The following BRD10 variants were observed in gnomAD, a reference collection of about 807,000 sequenced individuals.
The protein encoded by BRD10 is uncharacterized bromodomain-containing protein 10.
At chr9:5,953,014 T>G in the BRD10 span, among the ~76,000 whole-genome samples, 1 of 152,186 alleles carries the variant, frequency 6.6e-6, no homozygotes, top group Non-Finnish European at 1.5e-5. Flanking sequence ...ATGTCTATTT[T>G]CTTTAACTGT....
the BRD10 span, chr9:5,891,261 A>G: frequency 6.6e-6 from 1 of 152,178 alleles, no homozygotes; most frequent in Non-Finnish European, 1.5e-5. Context: ...TAAGAGGCGC[A>G]TTTGCTGTTG....
At chr9:5,917,476 C>CGAA in the BRD10 span, among the ~76,000 whole-genome samples, 2 of 152,156 alleles carry the variant, frequency 1.3e-5, no homozygotes. Context: ...GACTTCAGTA[C>CGAA]GAAGGTTCAC....
chr9:5,971,005 T>C, the BRD10 span, among the ~76,000 whole-genome samples: 141 of 136,160 alleles, frequency 1.0e-3, no homozygotes, highest in African/African-American at 3.7e-3. Context: ...TGAGCCGAGA[T>C]TGCACCATTG....
the BRD10 span, among the ~76,000 whole-genome samples, chr9:6,004,175 C>T: frequency 6.6e-6 from 1 of 152,186 alleles, no homozygotes; most frequent in Admixed American, 6.5e-5. Context: ...CACTTGTCAT[C>T]CCCACATTCA....
At chr9:5,947,946 C>T in the BRD10 span, among the ~76,000 whole-genome samples, 7,623 of 152,114 alleles carry the variant, frequency 0.05, 224 homozygotes, top group Middle Eastern at 0.075. Flanking sequence ...GGGGTGAACA[C>T]GAAACTCCAT....
chr9:5,910,143 C>A, the BRD10 span: 1 of 152,300 alleles, frequency 6.6e-6, no homozygotes, highest in South Asian at 2.1e-4. Context: ...TAAAGGCTGT[C>A]TTTGACATAA....
the BRD10 span, among the ~76,000 whole-genome samples, chr9:5,903,478 T>C: frequency 6.6e-6 from 1 of 152,222 alleles, no homozygotes; most frequent in East Asian, 1.9e-4. Context: ...TTTCTTTTCT[T>C]GTAATATCTT....
chr9:5,916,817 G>C, the BRD10 span, among the ~76,000 whole-genome samples: 2 of 152,110 alleles, frequency 1.3e-5, no homozygotes, highest in Non-Finnish European at 2.9e-5. Context: ...TGGCATTGTG[G>C]TGACGTTTCT....
chr9:5,913,035 A>G, the BRD10 span, among the ~76,000 whole-genome samples: 25 of 152,212 alleles, frequency 1.6e-4, no homozygotes, highest in African/African-American at 6.0e-4. Context: ...GACAAGGCTC[A>G]AGTCTCTATG....
chr9:5,999,716 T>A, the BRD10 span, among the ~76,000 whole-genome samples: 1 of 152,200 alleles, frequency 6.6e-6, no homozygotes, highest in Non-Finnish European at 1.5e-5. Flanking sequence ...TAGCTCTTTT[T>A]GCCTTTGCAC....
the BRD10 span, among the ~76,000 whole-genome samples, chr9:5,951,622 A>G: frequency 6.6e-6 from 1 of 152,362 alleles, no homozygotes; most frequent in Non-Finnish European, 1.5e-5. Context: ...TAAATACCAT[A>G]TCGCTAGAAC....
At chr9:5,920,940 C>G in the BRD10 span, 1 of 1,613,978 alleles carries the variant, frequency 6.2e-7, no homozygotes. Flanking sequence ...GAAGAGGTAT[C>G]ATTTCCACTG....
chr9:5,985,880 T>C, the BRD10 span, among the ~76,000 whole-genome samples: 4 of 152,160 alleles, frequency 2.6e-5, no homozygotes, highest in Non-Finnish European at 1.5e-5. Flanking sequence ...GTATCTTCTA[T>C]AACAGAAGTA....
chr9:5,958,328 G>A, the BRD10 span, among the ~76,000 whole-genome samples: 1 of 152,104 alleles, frequency 6.6e-6, no homozygotes, highest in Admixed American at 6.5e-5. Flanking sequence ...TTTTATAAAA[G>A]AAATGGCATA....
At chr9:6,007,706 C>A in the BRD10 span, 1 of 1,607,848 alleles carries the variant, frequency 6.2e-7, no homozygotes, top group Non-Finnish European at 8.5e-7. Flanking sequence ...TCCTCCTCGT[C>A]GTCCTCTCCT....
chr9:5,966,030 G>A, the BRD10 span, among the ~76,000 whole-genome samples: 1 of 152,158 alleles, frequency 6.6e-6, no homozygotes, highest in Non-Finnish European at 1.5e-5. Context: ...TAGGTAAGCA[G>A]ACAAAACTGC....
chr9:5,918,641 G>A, the BRD10 span, among the ~76,000 whole-genome samples: 1 of 113,128 alleles, frequency 8.8e-6, no homozygotes, highest in African/African-American at 3.2e-5. Flanking sequence ...GCCGTTAGTG[G>A]CTTTTTTTTT....
the BRD10 span, chr9:6,008,127 T>C: frequency 1.4e-5 from 14 of 975,786 alleles, no homozygotes; most frequent in Non-Finnish European, 1.6e-5. Flanking sequence ...CCCTGCCGGG[T>C]CGCCGCGGCC....
At chr9:5,924,921 T>A in the BRD10 span, 1 of 1,028,090 alleles carries the variant, frequency 9.7e-7, no homozygotes, top group Non-Finnish European at 1.3e-6. Flanking sequence ...TTTTAACATT[T>A]TAAACTACAT....
Sources: gnomAD v4.1 joint callset for allele counts (sites outside exome capture counted in the v4.1 genomes callset) on GRCh38, gnomAD v4.1.1 for gene constraint, MANE v1.5 for transcripts, NCBI Gene and HGNC (gene_info 2026-07-23, HGNC 2026-07-21) for gene names.